The following ACYP2 variants were observed in gnomAD, a reference collection of about 807,000 sequenced individuals.
ACYP2 encodes the protein acylphosphatase-2.
Under a neutral mutation model 11.2 loss-of-function variants are expected in ACYP2, and 12 were observed. The ratio of observed to expected loss-of-function variants is 1.08; its 90% CI spans 0.69 to 1.74. The LOEUF (loss-of-function observed/expected upper bound fraction) is 1.74, where lower values mean the gene tolerates loss of function less well. Among genes scored for constraint, ACYP2 ranks in the 40% most tolerant of loss-of-function variants. The probability of loss-of-function intolerance (pLI) is 0.00; values close to 1 mark genes in which losing one functional copy is unlikely to be tolerated. For synonymous variants in ACYP2, 43 were observed against 32.2 expected (o/e 1.33, Z -1.13); for missense variants, 134 against 101.9 (o/e 1.31, Z -1.35).
intron 4 of ACYP2, among the ~76,000 whole-genome samples, chr2:54,127,695 C>T (rs2103757433): frequency 6.8e-6 from 1 of 146,964 alleles, no homozygotes; most frequent in East Asian, 2.0e-4. Context: ...TTGCAATGAG[C>T]CGAGATCACA....
chr2:54,020,830 A>T (rs941256650), intron 2 of ACYP2, among the ~76,000 whole-genome samples: 10 of 152,346 alleles, frequency 6.6e-5, no homozygotes, highest in African/African-American at 2.4e-4. Flanking sequence ...CTATGTTGCA[A>T]ATTTTAATTT....
At chr2:54,271,026 A>T (rs938139932) in intron 6 of ACYP2, among the ~76,000 whole-genome samples, 1 of 152,236 alleles carries the variant, frequency 6.6e-6, no homozygotes, top group South Asian at 2.1e-4. Context: ...GTTTGCAGAG[A>T]TGATAAAAGT....
chr2:54,229,090 G>A (rs761470259), intron 6 of ACYP2, among the ~76,000 whole-genome samples: 3 of 152,106 alleles, frequency 2.0e-5, no homozygotes, highest in Non-Finnish European at 4.4e-5. Context: ...CAAGGGCACC[G>A]AGCCAGGTAG....
intron 3 of ACYP2, among the ~76,000 whole-genome samples, chr2:54,056,521 C>A (rs145039163): frequency 6.6e-6 from 1 of 152,184 alleles, no homozygotes; most frequent in East Asian, 1.9e-4. Context: ...CAGTTGAATT[C>A]TAGATGGTAA....
intron 2 of ACYP2, among the ~76,000 whole-genome samples, chr2:54,027,837 C>CTTTTTTT (rs34122179): frequency 4.4e-4 from 43 of 97,826 alleles, no homozygotes; most frequent in Admixed American, 5.9e-4. Flanking sequence ...TTCTTTCTTT[C>CTTTTTTT]TTTTTTTTTT....
chr2:54,185,131 C>A (rs1683919552), intron 6 of ACYP2, among the ~76,000 whole-genome samples: 1 of 152,154 alleles, frequency 6.6e-6, no homozygotes, highest in South Asian at 2.1e-4. Context: ...CCATTCTATG[C>A]CAGGTCTATG....
chr2:54,039,819 T>TTGTGTGTGTGTGTGTGTGTGTGTG (rs751604890), intron 2 of ACYP2, among the ~76,000 whole-genome samples: 1 of 126,608 alleles, frequency 7.9e-6, no homozygotes, highest in African/African-American at 3.0e-5. Context: ...TTGTTTTCTT[T>TTGTGTGTGTGTGTGTGTGTGTGTG]TGTGTGTGTG....
intron 6 of ACYP2, among the ~76,000 whole-genome samples, chr2:54,296,697 T>C (rs1231079887): frequency 6.6e-6 from 1 of 151,864 alleles, no homozygotes; most frequent in Non-Finnish European, 1.5e-5. Context: ...AAGGATAAAA[T>C]AGACTACAAA....
At chr2:54,232,114 G>C (rs1686260110) in intron 6 of ACYP2, among the ~76,000 whole-genome samples, 1 of 152,128 alleles carries the variant, frequency 6.6e-6, no homozygotes. Flanking sequence ...AACCAGACTT[G>C]ATCTGTCAAA....
At chr2:53,984,487 T>A (rs4671742) in intron 2 of ACYP2, among the ~76,000 whole-genome samples, 1 of 151,062 alleles carries the variant, frequency 6.6e-6, no homozygotes, top group African/African-American at 2.4e-5. Context: ...TGAGGCAGGA[T>A]AATCTCTTGA....
At chr2:54,303,020 A>T (rs1442880399) in intron 6 of ACYP2, among the ~76,000 whole-genome samples, 2 of 152,198 alleles carry the variant, frequency 1.3e-5, no homozygotes, top group African/African-American at 4.8e-5. Flanking sequence ...GTGTGGAATA[A>T]AAGATAAGAC....
intron 6 of ACYP2, among the ~76,000 whole-genome samples, chr2:54,148,481 T>C (rs1282339146): frequency 6.6e-6 from 1 of 152,182 alleles, no homozygotes; most frequent in East Asian, 1.9e-4. Context: ...AATAAATATT[T>C]GCTACTATGT....
intron 4 of ACYP2, among the ~76,000 whole-genome samples, chr2:54,090,501 TGCG>T (rs1678168691): frequency 6.6e-6 from 1 of 151,908 alleles, no homozygotes; most frequent in Non-Finnish European, 1.5e-5. Context: ...CGGGGTGGCG[TGCG>T]CCTGGATTCC....
intron 6 of ACYP2, among the ~76,000 whole-genome samples, chr2:54,283,865 A>G (rs1688955121): frequency 6.6e-6 from 1 of 152,274 alleles, no homozygotes; most frequent in Admixed American, 6.5e-5. Context: ...CTGTAATCCC[A>G]GCACTTTGGG....
chr2:54,241,750 C>T (rs1325459090), intron 6 of ACYP2, among the ~76,000 whole-genome samples: 3 of 152,136 alleles, frequency 2.0e-5, no homozygotes, highest in Non-Finnish European at 2.9e-5. Context: ...CAGTGGCTCA[C>T]GCCTGTAATC....
chr2:54,062,565 T>C lies in ACYP2; in HGVS notation c.277+5205T>C, dbSNP rs540192926. 1.9e-4 allele frequency among the ~76,000 whole-genome samples: 29 copies of C among 152,368 alleles called. No homozygotes were observed. In the South Asian group the frequency reaches 5.6e-3, roughly 29 times the overall value. The stretch of plus-strand genomic sequence containing the variant: ...GTCATGTACCATATGTTATTCATCA[T>C]ATGGCATCATGCCTGTTTCAAGGCA... On this transcript the variant is annotated intron_variant, in intron 4 of 6. Transcript: ENST00000607452.
At chr2:54,019,858 G>A (rs577262171) in intron 2 of ACYP2, among the ~76,000 whole-genome samples, 4 of 151,880 alleles carry the variant, frequency 2.6e-5, no homozygotes, top group Admixed American at 2.6e-4. Context: ...GGCCTCAGGT[G>A]ATCCACCTGC....
chr2:53,984,521 G>A (rs1419091743), intron 2 of ACYP2, among the ~76,000 whole-genome samples: 3 of 151,714 alleles, frequency 2.0e-5, no homozygotes, highest in Non-Finnish European at 2.9e-5. Context: ...GGGTTGCAGC[G>A]AGCCGAGATC....
intron 6 of ACYP2, chr2:54,142,016 TTTTG>T: frequency 7.1e-6 from 3 of 421,050 alleles, no homozygotes; most frequent in Non-Finnish European, 8.4e-6. Flanking sequence ...TGTGTGTATA[TTTTG>T]TTGTTGTTGT....
Sources: allele counts gnomAD v4.1 joint callset (sites outside exome capture counted in the v4.1 genomes callset), GRCh38; gene constraint gnomAD v4.1.1; transcripts MANE v1.5; gene names NCBI Gene and HGNC (gene_info 2026-07-23, HGNC 2026-07-21).